Variants in CTNNA3 observed in about 807,000 individuals in gnomAD.
CTNNA3 encodes the protein catenin alpha 3, also known as catenin alpha-3.
In CTNNA3, 76 loss-of-function variants were observed where a neutral mutation model predicts 95.7. The ratio of observed to expected loss-of-function variants is 0.79; its 90% CI spans 0.66 to 0.96. The LOEUF is 0.96. Among genes scored for constraint, CTNNA3 ranks in the 40% least tolerant of loss-of-function variants. The probability of loss-of-function intolerance (pLI) is 0.00; values close to 1 mark genes in which losing one functional copy is unlikely to be tolerated. For synonymous variants in CTNNA3, 431 were observed against 374.4 expected (o/e 1.15, Z -1.74); for missense variants, 1,191 against 1,089.8 (o/e 1.09, Z -1.31).
At chr10:66,914,006 T>C (rs1846352415) in intron 7 of CTNNA3, among the ~76,000 whole-genome samples, 1 of 152,166 alleles carries the variant, frequency 6.6e-6, no homozygotes, top group African/African-American at 2.4e-5. Context: ...GTAGGAGCGG[T>C]TGGCAGTCTT....
At position 66,440,808 on chromosome 10, in the gene CTNNA3, T is replaced by C. The variant is rs188953297; in HGVS notation, c.1532-61456A>G. ...TTGTTTATCAGTTGAGTAAATATAA[T>C]TAAAGAGATTAGATTAGGGCCTGGC... On this transcript the variant is annotated intron_variant, in intron 11 of 17. Coordinates refer to ENST00000433211, the MANE Select transcript of CTNNA3 (RefSeq NM_013266.4). Among the ~76,000 whole-genome samples, 211 of 152,268 alleles carry C rather than the reference T, an allele frequency of 1.4e-3. 1 individual carries two copies. The highest frequency in any genetic ancestry group is 2.5e-3 in the Non-Finnish European group (172 of 68,020).
chr10:65,929,570 T>A (rs986540868), intron 17 of CTNNA3, among the ~76,000 whole-genome samples: 1 of 151,214 alleles, frequency 6.6e-6, no homozygotes, highest in Non-Finnish European at 1.5e-5. Flanking sequence ...TTTCTTTCTT[T>A]CTTTTTTTTT....
At chr10:67,076,330 A>G (rs1224505447) in intron 7 of CTNNA3, among the ~76,000 whole-genome samples, 2 of 152,264 alleles carry the variant, frequency 1.3e-5, no homozygotes, top group East Asian at 3.8e-4. Flanking sequence ...TCCTCAAAAT[A>G]TGAGTAATCA....
intron 7 of CTNNA3, among the ~76,000 whole-genome samples, chr10:66,980,301 A>G (rs1850342070): frequency 6.6e-6 from 1 of 152,138 alleles, no homozygotes; most frequent in African/African-American, 2.4e-5. Context: ...CAAGTCAACA[A>G]AGATAATTCT....
chr10:66,509,267 T>C (rs1490492343), intron 11 of CTNNA3, among the ~76,000 whole-genome samples: 1 of 152,128 alleles, frequency 6.6e-6, no homozygotes, highest in Non-Finnish European at 1.5e-5. Context: ...GAGTTCATTA[T>C]ATATCATGGA....
At chr10:66,588,819 G>A (rs1449888770) in intron 10 of CTNNA3, among the ~76,000 whole-genome samples, 2 of 152,078 alleles carry the variant, frequency 1.3e-5, no homozygotes, top group Non-Finnish European at 2.9e-5. Context: ...TTGGACTTTT[G>A]AGGATGGACA....
At chr10:67,145,677 C>T (rs370019739) in intron 7 of CTNNA3, among the ~76,000 whole-genome samples, 1 of 152,068 alleles carries the variant, frequency 6.6e-6, no homozygotes, top group East Asian at 1.9e-4. Flanking sequence ...GATCCACCTG[C>T]CTTGGCCTCC....
chr10:67,567,645 ATGTCTATAG>A (rs1446920339), intron 3 of CTNNA3, among the ~76,000 whole-genome samples: 2 of 152,106 alleles, frequency 1.3e-5, no homozygotes, highest in Non-Finnish European at 1.5e-5. Context: ...GTGCAGTCTA[ATGTCTATAG>A]CCTCGGTAGT....
chr10:66,060,357 C>T (rs1007101066), intron 15 of CTNNA3, among the ~76,000 whole-genome samples: 1 of 152,184 alleles, frequency 6.6e-6, no homozygotes, highest in Admixed American at 6.6e-5. Context: ...AACTAATGGG[C>T]TTCCAGGTTA....
chr10:67,755,018 C>T (rs889151423), intron 1 of CTNNA3, among the ~76,000 whole-genome samples: 26 of 151,566 alleles, frequency 1.7e-4, no homozygotes, highest in African/African-American at 5.3e-4. Context: ...GAAAATATAG[C>T]GAGACCTTAT....
chr10:67,758,058 A>C (rs1841443103), intron 1 of CTNNA3, among the ~76,000 whole-genome samples: 2 of 152,100 alleles, frequency 1.3e-5, no homozygotes, highest in Non-Finnish European at 2.9e-5. Flanking sequence ...AAATAGAACA[A>C]AAAGGCAGAG....
At chr10:66,821,569 CT>C (rs1714745613) in intron 7 of CTNNA3, among the ~76,000 whole-genome samples, 1 of 152,120 alleles carries the variant, frequency 6.6e-6, no homozygotes, top group African/African-American at 2.4e-5. Flanking sequence ...ACCCACTGAT[CT>C]TTATTACATA....
chr10:67,240,498 A>T (rs1445394102), intron 5 of CTNNA3, among the ~76,000 whole-genome samples: 2 of 152,218 alleles, frequency 1.3e-5, no homozygotes, highest in African/African-American at 4.8e-5. Context: ...AATTAAAATT[A>T]AAAAAATGCA....
chr10:66,908,488 A>G (rs1011232622), intron 7 of CTNNA3, among the ~76,000 whole-genome samples: 5 of 152,160 alleles, frequency 3.3e-5, no homozygotes, highest in African/African-American at 1.2e-4. Flanking sequence ...AGACTACCAA[A>G]GACACTATGA....
chr10:67,463,076 C>T (rs991345153), intron 5 of CTNNA3, among the ~76,000 whole-genome samples: 8 of 151,480 alleles, frequency 5.3e-5, no homozygotes, highest in African/African-American at 1.9e-4. Context: ...GCTAATTTTT[C>T]TATGTTCAGT....
chr10:66,727,877 T>C (rs1848827616), intron 9 of CTNNA3, among the ~76,000 whole-genome samples: 1 of 152,174 alleles, frequency 6.6e-6, no homozygotes, highest in African/African-American at 2.4e-5. Flanking sequence ...TATACACAAA[T>C]GTAAAGGTTT....
In CTNNA3 at chr10:67,163,437, T is replaced by C. The variant is rs565005574; in HGVS notation, c.1047+16880A>G. On this transcript the variant is annotated intron_variant, in intron 7 of 17. Coordinates refer to ENST00000433211, the MANE Select transcript of CTNNA3 (RefSeq NM_013266.4). ...CAACACCCATTTATCACACAAACTC[T>C]CCAAAATCTAGAAACAGAGAAGAAC... Among the ~76,000 whole-genome samples, 59 of 152,044 alleles carry C rather than the reference T, an allele frequency of 3.9e-4. 1 individual carries two copies. Among genetic ancestry groups the C allele is most frequent in the African/African-American group, 1.4e-3 (58 of 41,540 alleles).
At chr10:66,940,535 G>A (rs946643889) in intron 7 of CTNNA3, among the ~76,000 whole-genome samples, 7 of 152,162 alleles carry the variant, frequency 4.6e-5, no homozygotes, top group Non-Finnish European at 7.3e-5. Context: ...AAGAAGTCCA[G>A]TGGTTAACTA....
At chr10:66,754,686 A>G (rs998435288) in intron 9 of CTNNA3, among the ~76,000 whole-genome samples, 3 of 152,182 alleles carry the variant, frequency 2.0e-5, no homozygotes, top group Non-Finnish European at 4.4e-5. Flanking sequence ...TCTATTAAAA[A>G]GGTATACAGA....
Sources: gnomAD v4.1 joint callset for allele counts (sites outside exome capture counted in the v4.1 genomes callset) on GRCh38, gnomAD v4.1.1 for gene constraint, MANE v1.5 for transcripts, NCBI Gene and HGNC (gene_info 2026-07-23, HGNC 2026-07-21) for gene names.